The following SCRT1 variants were observed in gnomAD, a reference collection of about 807,000 sequenced individuals.
SCRT1 encodes scratch family transcriptional repressor 1.
Under a neutral mutation model 3.4 loss-of-function variants are expected in SCRT1, and 1 was observed. That is an observed-to-expected ratio of 0.29 (90% CI 0.10 to 1.39). The LOEUF (loss-of-function observed/expected upper bound fraction) is 1.39, where lower values mean the gene tolerates loss of function less well. Among genes scored for constraint, SCRT1 ranks in the 40% most tolerant of loss-of-function variants. SCRT1 has a pLI of 0.42. For missense variants in SCRT1, 380 were observed against 526.3 expected (o/e 0.72, Z 2.72); for synonymous variants, 238 against 247.0 (o/e 0.96, Z 0.34).
Position 144,335,746 on chromosome 8 carries a change from GGCA to G in SCRT1, c.115+306_115+308del, listed in dbSNP as rs1817878966. 6.6e-6 allele frequency among the ~76,000 whole-genome samples: 1 copy of G among 152,182 alleles called. No homozygotes were observed. Among genetic ancestry groups the G allele is most frequent in the African/African-American group, 2.4e-5 (1 of 41,446 alleles). On this transcript the variant is annotated intron_variant, in intron 1 of 1. Transcript: ENST00000569446. The surrounding 1 kb of genome is among the most constrained non-coding windows in gnomAD (Gnocchi z 7.7). ...TGCCGGCATGGCTGGGTCCCGTCAT[GGCA>G]GCGCCCATGCGGCTGTGTCTGTCCC...
Position 144,332,439 on chromosome 8 carries a change from T to C in SCRT1, c.*746A>G, listed in dbSNP as rs1258620796. 1 of 150,722 alleles carries C rather than the reference T, an allele frequency of 6.6e-6. No homozygotes were observed. Among genetic ancestry groups the C allele is most frequent in the Non-Finnish European group, 1.5e-5 (1 of 67,782 alleles). 9.3% of individuals were successfully genotyped at this position (150,722 alleles called of 1,614,324 possible). On this transcript the variant is annotated 3_prime_UTR_variant, in exon 2 of 2. Transcript: ENST00000569446. ...CCCGGGGCAGGGCGGAAGCGGGGTCTGAGGAGGTCGGATAAGTCCATGCGA... is the reference window on the plus strand; with the variant it reads ...CCCGGGGCAGGGCGGAAGCGGGGTCCGAGGAGGTCGGATAAGTCCATGCGA...
rs889217405 is a variant in SCRT1, at chr8:144,333,235, C to T, written c.997G>A (p.Gly333Arg). 1 of 1,598,782 alleles carries T rather than the reference C, an allele frequency of 6.3e-7. No homozygotes were observed. The highest frequency in any genetic ancestry group is 1.1e-5 in the South Asian group (1 of 89,300). Residue 333 changes from glycine (G) to arginine (R), a missense_variant, in exon 2 of 2, where the codon GGA (glycine) becomes AGA (arginine). By Grantham distance (125) the Gly-to-Arg change is moderately radical (BLOSUM62 -2). Transcript: ENST00000569446. ...GGCGGCGCAGGAGCCGCGGGGCCTC[C>T]GGCGCCGCCCTTGAAGCAGGCCGAC... The part of the protein sequence containing the change: ...YESACFKGGA[G>R]GPAAPAPPQL...
At chr8:144,334,246 G>A (rs1016297114) in intron 1 of SCRT1, 130 bp from the exon 2 acceptor site, 2 of 669,878 alleles carry the variant, frequency 3.0e-6, no homozygotes, top group Non-Finnish European at 2.4e-6. Flanking sequence ...CGAACAGGGA[G>A]GAGGACAAAG....
chr8:144,334,947 T>C (rs1029422640), intron 1 of SCRT1, among the ~76,000 whole-genome samples: 9 of 152,180 alleles, frequency 5.9e-5, no homozygotes, highest in African/African-American at 1.7e-4. Flanking sequence ...GGCGTCCACT[T>C]TCACAGGGAC....
chr8:144,335,440 G>A lies in SCRT1; in HGVS notation c.115+615C>T, dbSNP rs1485735908. Reference sequence around the variant, plus strand: ...TGCTGACAGTTGTCCTTGAACTTGGGCACCCTTACACAAAGAGCCTCCCCC... The same window carrying A: ...TGCTGACAGTTGTCCTTGAACTTGGACACCCTTACACAAAGAGCCTCCCCC... On this transcript the variant is annotated intron_variant, in intron 1 of 1. Coordinates refer to ENST00000569446, the MANE Select transcript of SCRT1 (RefSeq NM_031309.6). The surrounding 1 kb of genome is among the most constrained non-coding windows in gnomAD (Gnocchi z 7.7). Among the ~76,000 whole-genome samples the A allele has an allele frequency of 2.0e-5, 3 of 152,080 alleles. No individual in the cohort carries two copies. The highest frequency in any genetic ancestry group is 7.2e-5 in the African/African-American group (3 of 41,402).
At position 144,333,718 on chromosome 8, in the gene SCRT1, C is replaced by T. The variant is rs1817837526; in HGVS notation, c.514G>A (p.Ala172Thr). ...GCGCGCGCCTCGGTGCCTGCCCCCG[C>T]GCGCGTGCCGCCCCGGCCCCCCGGC... ...SGPGGRGGTR[A>T]GAGTEARAGP... Residue 172 changes from alanine (A) to threonine (T), a missense_variant, in exon 2 of 2, where the codon GCG (alanine) becomes ACG (threonine). Around this residue, in one of 5 missense-constraint regions of SCRT1, gnomAD observed 115 missense variants for 107.3 expected, o/e 1.07. Transcript: ENST00000569446. The T allele has an allele frequency of 1.8e-6, 2 of 1,110,000 alleles. No homozygotes were observed. The highest frequency in any genetic ancestry group is 1.7e-5 in the African/African-American group (1 of 59,878). 68.8% of individuals were successfully genotyped at this position (1,110,000 alleles called of 1,614,324 possible).
In SCRT1 at chr8:144,332,468, G is replaced by A. The variant is rs1324552186; in HGVS notation, c.*717C>T. On this transcript the variant is annotated 3_prime_UTR_variant, in exon 2 of 2. Transcript: ENST00000569446. ...GAGGTCGGATAAGTCCATGCGATTC[G>A]ATATGTGTCATTATTATTCGATATG... The A allele has an allele frequency of 1.3e-5, 2 of 152,516 alleles. No homozygotes were observed. Among genetic ancestry groups the A allele is most frequent in the Non-Finnish European group, 2.9e-5 (2 of 68,018 alleles). 9.4% of individuals were successfully genotyped at this position (152,516 alleles called of 1,614,324 possible).
chr8:144,336,094 G>C lies in SCRT1; in HGVS notation c.76C>G (p.Arg26Gly). The C allele has an allele frequency of 3.1e-6, 5 of 1,609,658 alleles. No homozygotes were observed. Among genetic ancestry groups the C allele is most frequent in the Non-Finnish European group, 4.2e-6 (5 of 1,178,292 alleles). The change falls in exon 1 of 2, where the codon CGC becomes GGC. Residue 26 changes from arginine to glycine, a missense_variant. By Grantham distance (125) the Arg-to-Gly change is moderately radical. This residue lies in a region of SCRT1 where 125 missense variants were observed against 132.7 expected (regional missense o/e 0.94). Transcript: ENST00000569446. This position sits in a 1 kb window ranked among gnomAD's most constrained non-coding sequence, Gnocchi z 6.8. ...GGCGCGCCGAGGTCGCTGCGGGCGC[G>C]TCCGTAGGCGCTCTCCAGGTCGGCC... Reference protein sequence around the residue: ...SSADLESAYGRARSDLGAPLH... With the variant: ...SSADLESAYGGARSDLGAPLH...
In SCRT1 at chr8:144,331,631, G is replaced by C. The variant is rs1554849517; in HGVS notation, c.*1554C>G. 6.6e-6 allele frequency: 1 copy of C among 152,226 alleles called. No homozygotes were observed. Among genetic ancestry groups the C allele is most frequent in the East Asian group, 1.9e-4 (1 of 5,182 alleles). The allele number at this position is 152,226 out of a possible 1,614,324, so 9.4% of individuals were successfully genotyped here. A position where few individuals can be genotyped will look rare whatever the true frequency, so the allele number is the denominator to read the frequency against. ...CAGTGAATGATTAATGCCTGAAGGAGGGGTCTTGGGGGCAACCACCCCACC... is the reference window on the plus strand; with the variant it reads ...CAGTGAATGATTAATGCCTGAAGGACGGGTCTTGGGGGCAACCACCCCACC... On this transcript the variant is annotated 3_prime_UTR_variant, in exon 2 of 2. Transcript: ENST00000569446.
In SCRT1 at chr8:144,333,325, G is replaced by A; in HGVS notation, c.907C>T (p.His303Tyr). The A allele has an allele frequency of 6.2e-7, 1 of 1,612,872 alleles. No homozygotes were observed. The highest frequency in any genetic ancestry group is 8.5e-7 in the Non-Finnish European group (1 of 1,179,738). The change falls in exon 2 of 2, where the codon CAC becomes TAC. Residue 303 changes from histidine to tyrosine, a missense_variant. Coordinates refer to ENST00000569446, the MANE Select transcript of SCRT1 (RefSeq NM_031309.6). ...AHMQTHSAFK[H>Y]FQCKRCKKSF... is the part of the protein sequence containing the mutation. ...TTCTTGCAGCGCTTGCACTGGAAGT[G>A]CTTGAAGGCCGAATGCGTCTGCATG...
In SCRT1 at chr8:144,333,144, T is replaced by G; in HGVS notation, c.*41A>C. On this transcript the variant is annotated 3_prime_UTR_variant, in exon 2 of 2. Transcript: ENST00000569446. ...CAGCGAAGACTTCCCTGGGGGGCCG[T>G]ATTGCTGAGAGCCGACCTGGCTGGG... 1.4e-6 allele frequency: 2 copies of G among 1,425,748 alleles called. No individual in the cohort carries two copies. The highest frequency in any genetic ancestry group is 1.8e-6 in the Non-Finnish European group (2 of 1,085,332). 88.3% of individuals were successfully genotyped at this position (1,425,748 alleles called of 1,614,324 possible).
At chr8:144,334,856 G>C (rs1817862153) in intron 1 of SCRT1, among the ~76,000 whole-genome samples, 1 of 152,086 alleles carries the variant, frequency 6.6e-6, no homozygotes, top group Non-Finnish European at 1.5e-5. Context: ...GTCCTACCCT[G>C]TTCAACATTG....
At position 144,333,044 on chromosome 8, in the gene SCRT1, G is replaced by T; in HGVS notation, c.*141C>A. On this transcript the variant is annotated 3_prime_UTR_variant, in exon 2 of 2. Transcript: ENST00000569446. The stretch of plus-strand genomic sequence containing the variant: ...GCCGGCAAGGCCCCTGGCGGGCGGG[G>T]CGGGGTGGGACCGGGCCCCCCTCCC... 1 of 707,480 alleles carries T rather than the reference G, an allele frequency of 1.4e-6. No individual in the cohort carries two copies. 43.8% of individuals were successfully genotyped at this position (707,480 alleles called of 1,614,324 possible). A position where few individuals can be genotyped will look rare whatever the true frequency, so the allele number is the denominator to read the frequency against.
rs1237235896 is a variant in SCRT1, at chr8:144,331,948, G to T, written c.*1237C>A. 6.6e-6 allele frequency: 1 copy of T among 152,274 alleles called. No homozygotes were observed. The highest frequency in any genetic ancestry group is 1.5e-5 in the Non-Finnish European group (1 of 68,038). The allele number at this position is 152,274 out of a possible 1,614,324, so 9.4% of individuals were successfully genotyped here. ...GGCTGCATGCAGTGACGTCACAAAGGCGGCGGCCAATGGGGCGGGCCCTTG... is the reference window on the plus strand; with the variant it reads ...GGCTGCATGCAGTGACGTCACAAAGTCGGCGGCCAATGGGGCGGGCCCTTG... On this transcript the variant is annotated 3_prime_UTR_variant, in exon 2 of 2. Transcript: ENST00000569446.
Position 144,333,329 on chromosome 8 carries a change from G to C in SCRT1, c.903C>G (p.Phe301Leu). ...TGCAGCGCTTGCACTGGAAGTGCTTGAAGGCCGAATGCGTCTGCATGTGCG... is the reference window on the plus strand; with the variant it reads ...TGCAGCGCTTGCACTGGAAGTGCTTCAAGGCCGAATGCGTCTGCATGTGCG... ...LRAHMQTHSA[F>L]KHFQCKRCKK... is the part of the protein sequence containing the mutation. The change falls in exon 2 of 2, where the codon TTC becomes TTG. Residue 301 changes from phenylalanine to leucine, a missense_variant. Transcript: ENST00000569446. 1.2e-6 allele frequency: 2 copies of C among 1,612,790 alleles called. No homozygotes were observed. Among genetic ancestry groups the C allele is most frequent in the Non-Finnish European group, 8.5e-7 (1 of 1,179,718 alleles).
At position 144,332,917 on chromosome 8, in the gene SCRT1, G is replaced by C; in HGVS notation, c.*268C>G. 2 of 449,308 alleles carry C rather than the reference G, an allele frequency of 4.5e-6. No individual in the cohort carries two copies. Among genetic ancestry groups the C allele is most frequent in the Non-Finnish European group, 7.9e-6 (2 of 254,556 alleles). The allele number at this position is 449,308 out of a possible 1,614,324, so 27.8% of individuals were successfully genotyped here. Reference sequence around the variant, plus strand: ...AACTCGGAGATGAGGTTCGGTTCTAGGTCTCGTCGACCCTATTGCTGGGAG... The same window carrying C: ...AACTCGGAGATGAGGTTCGGTTCTACGTCTCGTCGACCCTATTGCTGGGAG... On this transcript the variant is annotated 3_prime_UTR_variant, in exon 2 of 2. Transcript: ENST00000569446.
chr8:144,333,805 C>T lies in SCRT1; in HGVS notation c.427G>A (p.Ala143Thr). ...CCTCCGGCGTCGCCGTCGGGGGCCG[C>T]CGCCGAGGCTGTGGAGGGAGCGGCG... Reference protein sequence around the residue: ...AAAAPSTASAAAPDGDAGGGG... With the variant: ...AAAAPSTASATAPDGDAGGGG... Residue 143 changes from alanine (A) to threonine (T), a missense_variant, in exon 2 of 2, where the codon GCG (alanine) becomes ACG (threonine). Around this residue, in one of 5 missense-constraint regions of SCRT1, gnomAD observed 115 missense variants for 107.3 expected, o/e 1.07. Transcript: ENST00000569446. 1 of 1,218,296 alleles carries T rather than the reference C, an allele frequency of 8.2e-7. No homozygotes were observed. The highest frequency in any genetic ancestry group is 3.3e-5 in the East Asian group (1 of 30,768). 75.5% of individuals were successfully genotyped at this position (1,218,296 alleles called of 1,614,324 possible).
chr8:144,334,186 G>T, intron 1 of SCRT1, 70 bp from the exon 2 acceptor site: 1 of 771,412 alleles, frequency 1.3e-6, no homozygotes, highest in South Asian at 1.6e-5. Flanking sequence ...GGGGATGGGG[G>T]GGCGGGAGAC....
Position 144,335,148 on chromosome 8 carries a change from C to T in SCRT1, c.115+907G>A, listed in dbSNP as rs1030223485. Among the ~76,000 whole-genome samples, 6 of 152,216 alleles carry T rather than the reference C, an allele frequency of 3.9e-5. No homozygotes were observed. The highest frequency in any genetic ancestry group is 8.8e-5 in the Non-Finnish European group (6 of 68,044). Reference sequence around the variant, plus strand: ...CAGGGTGGGCTGCACACTGATGTGCCGAACTCACCACCTCCTCACTCACGC... The same window carrying T: ...CAGGGTGGGCTGCACACTGATGTGCTGAACTCACCACCTCCTCACTCACGC... On this transcript the variant is annotated intron_variant, in intron 1 of 1. Coordinates refer to ENST00000569446, the MANE Select transcript of SCRT1 (RefSeq NM_031309.6). The surrounding 1 kb of genome is among the most constrained non-coding windows in gnomAD (Gnocchi z 7.7).
Sources: gnomAD v4.1 joint callset for allele counts (sites outside exome capture counted in the v4.1 genomes callset) on GRCh38, gnomAD v4.1.1 for gene constraint, gnomAD v4.1.1 regional missense constraint, Gnocchi (gnomAD v3.1) non-coding constraint, MANE v1.5 for transcripts, NCBI Gene and HGNC (gene_info 2026-07-23, HGNC 2026-07-21) for gene names.